Variants in PLCB1 observed in about 807,000 individuals in gnomAD.
PLCB1 encodes the protein 1-phosphatidylinositol 4,5-bisphosphate phosphodiesterase beta-1.
In PLCB1, 46 loss-of-function variants were observed where a neutral mutation model predicts 161.8. The ratio of observed to expected loss-of-function variants is 0.28; its 90% CI spans 0.22 to 0.36. PLCB1 has a LOEUF of 0.36. PLCB1 is among the 10% of genes least tolerant of loss of function. PLCB1 has a pLI of 1.00. For missense variants in PLCB1, 1,016 were observed against 1,472.5 expected (o/e 0.69, Z 5.07); for synonymous variants, 517 against 503.7 (o/e 1.03, Z -0.35).
At chr20:8,254,289 G>A (rs888508283) in intron 2 of PLCB1, among the ~76,000 whole-genome samples, 14 of 151,830 alleles carry the variant, frequency 9.2e-5, no homozygotes, top group Non-Finnish European at 1.8e-4. Flanking sequence ...TTTAAATTGT[G>A]TACAACATTT....
chr20:8,146,815 CT>C (rs1263346539), intron 1 of PLCB1, among the ~76,000 whole-genome samples: 2 of 152,138 alleles, frequency 1.3e-5, no homozygotes, highest in African/African-American at 4.8e-5. Context: ...TTAATCTTCA[CT>C]ATTTATGATA....
intron 3 of PLCB1, among the ~76,000 whole-genome samples, chr20:8,543,454 A>C (rs1985412823): frequency 6.6e-6 from 1 of 152,140 alleles, no homozygotes; most frequent in African/African-American, 2.4e-5. Flanking sequence ...GCCTGGCAAC[A>C]GGGGATAGGC....
chr20:8,789,494 G>A, intron 29 of PLCB1, 24 bp from the exon 30 acceptor site: 1 of 1,525,116 alleles, frequency 6.6e-7, no homozygotes, highest in Non-Finnish European at 9.1e-7. Flanking sequence ...TTGGTATAAT[G>A]ATGTATTCAT....
At chr20:8,505,596 C>T (rs563305852) in intron 3 of PLCB1, among the ~76,000 whole-genome samples, 11 of 152,276 alleles carry the variant, frequency 7.2e-5, no homozygotes, top group African/African-American at 2.4e-4. Context: ...ATTACTGTAC[C>T]GTCAAGTGAA....
intron 2 of PLCB1, among the ~76,000 whole-genome samples, chr20:8,229,903 T>C (rs1439613794): frequency 9.2e-6 from 1 of 109,166 alleles, no homozygotes; most frequent in Non-Finnish European, 2.1e-5. Context: ...ATAAAAAAAA[T>C]AATTTAGCCA....
intron 3 of PLCB1, among the ~76,000 whole-genome samples, chr20:8,551,341 A>G (rs1327624950): frequency 6.6e-6 from 1 of 152,206 alleles, no homozygotes; most frequent in Non-Finnish European, 1.5e-5. Flanking sequence ...ATTCTAATGT[A>G]TAAGAAATGG....
intron 3 of PLCB1, among the ~76,000 whole-genome samples, chr20:8,466,216 T>A (rs2122701402): frequency 6.6e-6 from 1 of 151,428 alleles, no homozygotes; most frequent in Non-Finnish European, 1.5e-5. Flanking sequence ...CAGTAAACTA[T>A]CACAAGAACA....
intron 11 of PLCB1, among the ~76,000 whole-genome samples, chr20:8,706,248 C>T (rs1033062870): frequency 1.1e-4 from 16 of 152,196 alleles, no homozygotes; most frequent in Admixed American, 8.5e-4. Flanking sequence ...TCAGCAGCAG[C>T]ACATGTCATT....
intron 2 of PLCB1, among the ~76,000 whole-genome samples, chr20:8,255,069 T>C (rs939428284): frequency 7.2e-5 from 11 of 152,080 alleles, no homozygotes; most frequent in African/African-American, 2.4e-4. Flanking sequence ...GCTCAACCCT[T>C]AGGCAAGTAC....
intron 3 of PLCB1, among the ~76,000 whole-genome samples, chr20:8,477,080 C>T (rs540080377): frequency 6.6e-6 from 1 of 152,268 alleles, no homozygotes; most frequent in African/African-American, 2.4e-5. Context: ...TTAAGATCCA[C>T]CCCAGACCAA....
intron 31 of PLCB1, among the ~76,000 whole-genome samples, chr20:8,814,845 C>T (rs1465231743): frequency 1.3e-5 from 2 of 152,162 alleles, no homozygotes; most frequent in African/African-American, 4.8e-5. Context: ...TGGACTGACA[C>T]CTTCATTTAG....
chr20:8,161,726 C>T (rs78755614), intron 2 of PLCB1, among the ~76,000 whole-genome samples: 3,176 of 151,778 alleles, frequency 0.021, 88 homozygotes, highest in African/African-American at 0.07. Context: ...GCTGCCTGGG[C>T]TTCCTGTCTC....
At chr20:8,251,389 A>G (rs1255917665) in intron 2 of PLCB1, among the ~76,000 whole-genome samples, 1 of 151,936 alleles carries the variant, frequency 6.6e-6, no homozygotes, top group African/African-American at 2.4e-5. Flanking sequence ...TAAGGAAAGT[A>G]GCCTTGGAGC....
chr20:8,578,323 G>A (rs1278339479), intron 3 of PLCB1, among the ~76,000 whole-genome samples: 1 of 152,292 alleles, frequency 6.6e-6, no homozygotes, highest in East Asian at 1.9e-4. Flanking sequence ...TTCAGTGTGT[G>A]AAGGTTGTAA....
intron 3 of PLCB1, among the ~76,000 whole-genome samples, chr20:8,528,550 C>T (rs1984672183): frequency 6.6e-6 from 1 of 151,944 alleles, no homozygotes; most frequent in South Asian, 2.1e-4. Context: ...CAGGAACTGG[C>T]TTGTGATGAA....
At chr20:8,292,807 T>C (rs980410724) in intron 2 of PLCB1, among the ~76,000 whole-genome samples, 10 of 152,218 alleles carry the variant, frequency 6.6e-5, no homozygotes, top group African/African-American at 2.4e-4. Context: ...AAAGAGGTTT[T>C]TAATGTTACA....
At chr20:8,581,536 A>G (rs1316330437) in intron 3 of PLCB1, among the ~76,000 whole-genome samples, 1 of 152,190 alleles carries the variant, frequency 6.6e-6, no homozygotes, top group Non-Finnish European at 1.5e-5. Flanking sequence ...ATAGAGCTAA[A>G]TGTTACAAGG....
intron 3 of PLCB1, among the ~76,000 whole-genome samples, chr20:8,443,298 CA>C (rs2122619479): frequency 6.6e-6 from 1 of 152,218 alleles, no homozygotes; most frequent in South Asian, 2.1e-4. Flanking sequence ...AGTTTTAATG[CA>C]ACTGGCAGTT....
chr20:8,760,819 A>T (rs745400620), intron 25 of PLCB1, among the ~76,000 whole-genome samples: 3 of 152,228 alleles, frequency 2.0e-5, no homozygotes, highest in Non-Finnish European at 4.4e-5. Flanking sequence ...AATATGATCC[A>T]TTTGTGAGCA....
Sources: allele counts gnomAD v4.1 joint callset (sites outside exome capture counted in the v4.1 genomes callset), GRCh38; gene constraint gnomAD v4.1.1; transcripts MANE v1.5; gene names NCBI Gene and HGNC (gene_info 2026-07-23, HGNC 2026-07-21).